IQCE: variants seen among roughly 807,000 people sequenced by gnomAD.
The protein encoded by IQCE is IQ motif containing E.
A neutral mutation model predicts 96.0 loss-of-function variants in IQCE; 115 were observed. That is an observed-to-expected ratio of 1.20 (90% CI 1.03 to 1.40). The LOEUF is 1.40. Ranked by LOEUF, IQCE falls within the 40% of genes most tolerant of loss-of-function variation. The probability of loss-of-function intolerance (pLI) is 0.00; values close to 1 mark genes in which losing one functional copy is unlikely to be tolerated. For synonymous variants in IQCE, 412 were observed against 371.2 expected, an observed-to-expected ratio of 1.11 and a Z score of -1.26; for missense variants, 1,041 against 909.1, an observed-to-expected ratio of 1.15 and a Z score of -1.87.
chr7:2,598,669 G>C, intron 17 of IQCE, 37 bp downstream of exon 17: 1 of 1,450,070 alleles, frequency 6.9e-7, no homozygotes, highest in South Asian at 1.5e-5. Flanking sequence ...TGCTCCCTGT[G>C]AGTCTTCGTG....
intron 19 of IQCE, 120 bp downstream of exon 19, chr7:2,605,111 G>GGGGA: frequency 2.9e-6 from 2 of 699,198 alleles, no homozygotes; most frequent in Non-Finnish European, 4.9e-6. Context: ...CCCAGCAGGC[G>GGGGA]TCCCCTGCGC....
chr7:2,573,600 C>T (rs1562630123), intron 6 of IQCE, 112 bp downstream of exon 6: 11 of 603,162 alleles, frequency 1.8e-5, no homozygotes, highest in Non-Finnish European at 2.4e-5. Flanking sequence ...AGAGCGGGAG[C>T]GTTAGGGTCG....
At chr7:2,609,107 CCTT>C (rs1490461708) in intron 21 of IQCE, among the ~76,000 whole-genome samples, 3 of 152,094 alleles carry the variant, frequency 2.0e-5, no homozygotes, top group Non-Finnish European at 4.4e-5. Flanking sequence ...AGGACCCGTC[CCTT>C]CTTCAGCTCT....
chr7:2,578,377 G>T (rs1562638005), intron 7 of IQCE, 22 bp downstream of exon 7: 1 of 1,612,650 alleles, frequency 6.2e-7, no homozygotes, highest in South Asian at 1.1e-5. Context: ...GCGCTTCACG[G>T]ACGGGGCAAG....
In IQCE at chr7:2,579,719, G is replaced by C. The variant is rs1295989279; in HGVS notation, c.630+1193G>C. 6.1e-4 allele frequency among the ~76,000 whole-genome samples: 85 copies of C among 138,684 alleles called. 1 individual carries two copies. Among genetic ancestry groups the C allele is most frequent in the African/African-American group, 2.0e-3 (73 of 37,166 alleles). 91.0% of individuals were successfully genotyped at this position (138,684 alleles called of 152,430 possible). A position where few individuals can be genotyped will look rare whatever the true frequency, so the allele number is the denominator to read the frequency against. ...TCTGGTGGTGTGTGTGTGTGTGTGT[G>C]TGTGTGTGTGTGTGTGTGTCTGTGG... is the stretch of plus-strand genomic sequence containing the variant. On this transcript the variant is annotated intron_variant, in intron 8 of 21. Coordinates refer to ENST00000402050, the MANE Select transcript of IQCE (RefSeq NM_152558.5).
chr7:2,573,775 C>T (rs534541935), intron 6 of IQCE, among the ~76,000 whole-genome samples: 1 of 152,332 alleles, frequency 6.6e-6, no homozygotes, highest in South Asian at 2.1e-4. Context: ...TCAGAGTCGC[C>T]TTGCGTCCTG....
intron 15 of IQCE, 31 bp downstream of exon 15, chr7:2,593,157 C>A: frequency 6.3e-7 from 1 of 1,591,316 alleles, no homozygotes; most frequent in Non-Finnish European, 8.6e-7. Flanking sequence ...CTGGAGAGGA[C>A]CCAGGCGAGT....
chr7:2,580,955 A>G (rs1199453888), intron 8 of IQCE, among the ~76,000 whole-genome samples: 13 of 151,714 alleles, frequency 8.6e-5, no homozygotes, highest in African/African-American at 2.9e-4. Context: ...TGCTCCAGCT[A>G]CTCAGCTACT....
chr7:2,563,776 C>T (rs950575578), intron 1 of IQCE, among the ~76,000 whole-genome samples: 1 of 151,372 alleles, frequency 6.6e-6, no homozygotes, highest in East Asian at 1.9e-4. Context: ...CGCCTGTATT[C>T]CCAGTTACTT....
At position 2,612,583 on chromosome 7, in the gene IQCE, C is replaced by T. The variant is rs28665743; in HGVS notation, c.*2421C>T. On this transcript the variant is annotated 3_prime_UTR_variant, in exon 22 of 22. Transcript: ENST00000402050. ...AGTCATGGGAGGGGTGAGCTGTGGG[C>T]GGGGCGAGCTGTGGGTGGGGCCTAG... The T allele has an allele frequency of 0.022, 674 of 31,036 alleles. 5 individuals carry two copies. Among genetic ancestry groups the T allele is most frequent in the Non-Finnish European group, 0.032 (434 of 13,486 alleles). 1.9% of individuals were successfully genotyped at this position (31,036 alleles called of 1,614,324 possible).
chr7:2,597,770 G>C (rs929114570), intron 16 of IQCE, among the ~76,000 whole-genome samples: 1 of 152,168 alleles, frequency 6.6e-6, no homozygotes, highest in Non-Finnish European at 1.5e-5. Context: ...GGGCTCAAGC[G>C]ATCCTCCTGC....
chr7:2,605,796 A>G, intron 19 of IQCE, 80 bp from the exon 20 acceptor site: 2 of 1,371,222 alleles, frequency 1.5e-6, no homozygotes, highest in South Asian at 1.7e-5. Flanking sequence ...CCTGACGCCC[A>G]GGGTGCCCTG....
intron 18 of IQCE, 42 bp from the exon 19 acceptor site, chr7:2,604,839 C>T (rs1784675156): frequency 6.8e-7 from 1 of 1,480,442 alleles, no homozygotes; most frequent in East Asian, 2.3e-5. Flanking sequence ...TTGCCCCGGG[C>T]ACTCACACCC....
At chr7:2,559,944 A>G (rs1296608396) in intron 1 of IQCE, among the ~76,000 whole-genome samples, 1 of 152,234 alleles carries the variant, frequency 6.6e-6, no homozygotes, top group Non-Finnish European at 1.5e-5. Flanking sequence ...GGATCGCTTG[A>G]GGCCAAGAGT....
rs1337043903 is a variant in IQCE at position 2,569,293 on chromosome 7, CT to C, written c.130+298del. On this transcript the variant is annotated intron_variant, in intron 3 of 21. Transcript: ENST00000402050. ...GTCTCCCCCGACAGTGCCTCTAGGC[CT>C]TTTGTTTTCTTTTTCTTGCTTTCTC... Among the ~76,000 whole-genome samples, 4 of 152,174 alleles carry C rather than the reference CT, an allele frequency of 2.6e-5. No individual in the cohort carries two copies. The South Asian group carries it at 8.3e-4, about 32-fold the overall frequency.
chr7:2,581,249 A>G (rs894133804), intron 8 of IQCE, among the ~76,000 whole-genome samples: 1 of 152,146 alleles, frequency 6.6e-6, no homozygotes, highest in Non-Finnish European at 1.5e-5. Flanking sequence ...TCTGTCGCCC[A>G]GGCTGCAGTG....
At chr7:2,590,933 G>A (rs538910529) in intron 14 of IQCE, among the ~76,000 whole-genome samples, 2 of 151,982 alleles carry the variant, frequency 1.3e-5, no homozygotes, top group South Asian at 4.2e-4. Context: ...TGGGGGATAT[G>A]ATCTATTAAT....
chr7:2,576,562 GC>G (rs1782139298), intron 6 of IQCE, among the ~76,000 whole-genome samples: 2 of 152,038 alleles, frequency 1.3e-5, no homozygotes, highest in Non-Finnish European at 2.9e-5. Context: ...ACCACACCTG[GC>G]TAATTTTTTG....
At chr7:2,607,653 C>A in intron 21 of IQCE, 1 of 760,282 alleles carries the variant, frequency 1.3e-6, no homozygotes, top group Non-Finnish European at 1.7e-6. Context: ...CCCTGCTCTG[C>A]CCGGAGCTGA....
Sources: gnomAD v4.1 joint callset for allele counts (sites outside exome capture counted in the v4.1 genomes callset) on GRCh38, gnomAD v4.1.1 for gene constraint, MANE v1.5 for transcripts, NCBI Gene and HGNC (gene_info 2026-07-23, HGNC 2026-07-21) for gene names.